The following LAMA1 variants were observed in gnomAD, a reference collection of about 807,000 sequenced individuals.
The protein encoded by LAMA1 is laminin subunit alpha-1.
In LAMA1, 219 loss-of-function variants were observed where a neutral mutation model predicts 348.7. The observed-to-expected ratio is 0.63, with a 90% CI of 0.56 to 0.70. The LOEUF (loss-of-function observed/expected upper bound fraction) is 0.70. Ranked by LOEUF, LAMA1 falls within the 30% of genes least tolerant of loss-of-function variation. LAMA1 has a pLI of 0.00. For missense variants in LAMA1, 3,744 were observed against 3,888.0 expected, an observed-to-expected ratio of 0.96 and a Z score of 0.99; for synonymous variants, 1,487 against 1,491.0, an observed-to-expected ratio of 1.00 and a Z score of 0.06.
intron 58 of LAMA1, among the ~76,000 whole-genome samples, chr18:6,950,242 C>T (rs978872408): frequency 7.9e-5 from 12 of 152,184 alleles, no homozygotes; most frequent in African/African-American, 2.4e-4. Context: ...CTTGTTTACA[C>T]GAGGTTTTAA....
At chr18:6,964,337 T>A (rs1004031958) in intron 51 of LAMA1, among the ~76,000 whole-genome samples, 1 of 152,158 alleles carries the variant, frequency 6.6e-6, no homozygotes, top group African/African-American at 2.4e-5. Context: ...GCAGAGGTAA[T>A]CAAGTTAGGA....
intron 9 of LAMA1, among the ~76,000 whole-genome samples, chr18:7,041,753 G>T (rs1159716013): frequency 6.6e-6 from 1 of 152,126 alleles, no homozygotes; most frequent in African/African-American, 2.4e-5. Flanking sequence ...TTTAAACTGG[G>T]CCTTATTTCT....
chr18:6,959,194 G>A, intron 54 of LAMA1, 147 bp downstream of exon 54: 1 of 1,016,140 alleles, frequency 9.8e-7, no homozygotes, highest in Non-Finnish European at 1.5e-6. Context: ...TGGTTCCCAG[G>A]AAAGAATCCT....
At chr18:7,098,950 A>C (rs1279742417) in intron 1 of LAMA1, among the ~76,000 whole-genome samples, 10 of 150,494 alleles carry the variant, frequency 6.6e-5, no homozygotes, top group Non-Finnish European at 1.3e-4. Context: ...CCCGGCCACC[A>C]CCCCGTCTGG....
At position 6,974,999 on chromosome 18, in the gene LAMA1, A is replaced by T; in HGVS notation, c.6527T>A (p.Val2176Glu). 3 of 1,613,600 alleles carry T rather than the reference A, an allele frequency of 1.9e-6. No homozygotes were observed. Among genetic ancestry groups the T allele is most frequent in the Non-Finnish European group, 2.5e-6 (3 of 1,179,926 alleles). Residue 2176 changes from valine (V) to glutamate (E), a missense_variant, in exon 46 of 63, where the codon GTG becomes GAG. This residue lies in a region of LAMA1 where 1,983 missense variants were observed against 1,934.3 expected (regional missense o/e 1.03). Coordinates refer to ENST00000389658, the MANE Select transcript of LAMA1 (RefSeq NM_005559.4). ...FLAVEMRRGR[V>E]AFLWDLGSGS... Reference sequence around the variant, plus strand: ...GGAGCCCAGGTCCCACAGGAAGGCCACTCTCCCTCGCCGCATCTCCACTGC... The same window carrying T: ...GGAGCCCAGGTCCCACAGGAAGGCCTCTCTCCCTCGCCGCATCTCCACTGC...
intron 28 of LAMA1, 104 bp from the exon 29 acceptor site, chr18:7,007,380 T>C (rs1325607636): frequency 1.7e-6 from 2 of 1,167,734 alleles, no homozygotes; most frequent in Non-Finnish European, 2.4e-6. Flanking sequence ...CCAACAGGTA[T>C]GTGAAAAGAA....
At position 7,042,146 on chromosome 18, in the gene LAMA1, A is replaced by G. The variant is rs546420905; in HGVS notation, c.1260T>C (p.Asn420=). 1 of 1,591,506 alleles carries G rather than the reference A, an allele frequency of 6.3e-7. No homozygotes were observed. The highest frequency in any genetic ancestry group is 8.6e-7 in the Non-Finnish European group (1 of 1,160,900). ...IKDDLHSDLH[N]GKQPGQCPCK... ...CACAAAAGTGAATCAAGTACTTACC[A>G]TTGTGTAAGTCAGAATGGAGGTCAT... The change falls in exon 9 of 63, where the codon AAT becomes AAC. Residue 420 remains asparagine (N), a splice_region_variant and synonymous_variant. Coordinates refer to ENST00000389658, the MANE Select transcript of LAMA1 (RefSeq NM_005559.4).
chr18:6,957,245 C>A, intron 55 of LAMA1: 1 of 185,738 alleles, frequency 5.4e-6, no homozygotes, highest in Non-Finnish European at 1.1e-5. Context: ...GCGCACGTCC[C>A]CCTGGCACTT....
At position 7,012,122 on chromosome 18, in the gene LAMA1, G is replaced by C. The variant is rs1162750366; in HGVS notation, c.3380C>G (p.Pro1127Arg). 1 of 1,613,982 alleles carries C rather than the reference G, an allele frequency of 6.2e-7. No individual in the cohort carries two copies. The highest frequency in any genetic ancestry group is 2.2e-5 in the East Asian group (1 of 44,880). ...GCCCTCTCGACATTCGTTGCACTGAGGACCAAAGACATTTTCCTACAGGGG... is the reference window on the plus strand; with the variant it reads ...GCCCTCTCGACATTCGTTGCACTGACGACCAAAGACATTTTCCTACAGGGG... ...ACPCKENVFG[P>R]QCNECREGTF... The change falls in exon 24 of 63, where the codon CCT (proline) becomes CGT (arginine). Residue 1127 changes from proline to arginine, a missense_variant. This residue lies in a region of LAMA1 where 1,529 missense variants were observed against 1,689.4 expected (regional missense o/e 0.91). Transcript: ENST00000389658.
intron 30 of LAMA1, 133 bp downstream of exon 30, chr18:7,002,131 C>T: frequency 8.3e-7 from 1 of 1,201,020 alleles, no homozygotes; most frequent in Non-Finnish European, 1.2e-6. Flanking sequence ...AACACCTTTT[C>T]TTAAAATTAG....
At chr18:7,026,174 A>C in intron 16 of LAMA1, 68 bp from the exon 17 acceptor site, 1 of 1,569,254 alleles carries the variant, frequency 6.4e-7, no homozygotes, top group Non-Finnish European at 8.7e-7. Flanking sequence ...TCTATAAGCA[A>C]CTTGAAGTCC....
At chr18:7,098,733 CCGCCCG>C (rs2058276012) in intron 1 of LAMA1, among the ~76,000 whole-genome samples, 2 of 145,478 alleles carry the variant, frequency 1.4e-5, no homozygotes, top group Non-Finnish European at 3.0e-5. Flanking sequence ...GGTCAGCCCC[CCGCCCG>C]GCCAGCCACC....
chr18:6,994,685 AC>A (rs2057773154), intron 34 of LAMA1, among the ~76,000 whole-genome samples: 5 of 139,128 alleles, frequency 3.6e-5, no homozygotes, highest in Non-Finnish European at 6.2e-5. Flanking sequence ...ACACACACAC[AC>A]ACACACACAC....
At chr18:7,057,988 GAGA>G (rs1204539331) in intron 3 of LAMA1, among the ~76,000 whole-genome samples, 1 of 150,376 alleles carries the variant, frequency 6.6e-6, no homozygotes, top group Non-Finnish European at 1.5e-5. Context: ...TTTTTTAGTA[GAGA>G]CAGGGTTTCA....
Position 6,964,773 on chromosome 18 carries a change from G to A in LAMA1, c.7226C>T (p.Thr2409Ile). ...GCCCTGCTTGGTTTCTTTATTACTG[G>A]TGTTATAGGCATCGATAACTGCTAG... is the stretch of plus-strand genomic sequence containing the variant. ...GVLAVIDAYN[T>I]SNKETKQGET... Residue 2409 changes from threonine to isoleucine, a missense_variant, in exon 51 of 63, where the codon ACC (threonine) becomes ATC (isoleucine). Coordinates refer to ENST00000389658, the MANE Select transcript of LAMA1 (RefSeq NM_005559.4). 6.2e-7 allele frequency: 1 copy of A among 1,614,028 alleles called. No homozygotes were observed. The highest frequency in any genetic ancestry group is 8.5e-7 in the Non-Finnish European group (1 of 1,180,004).
At position 6,961,955 on chromosome 18, in the gene LAMA1, C is replaced by T; in HGVS notation, c.7442G>A (p.Cys2481Tyr). The T allele has an allele frequency of 6.2e-7, 1 of 1,613,572 alleles. No individual in the cohort carries two copies. Among genetic ancestry groups the T allele is most frequent in the Non-Finnish European group, 8.5e-7 (1 of 1,179,480 alleles). The change falls in exon 52 of 63, where the codon TGT (cysteine) becomes TAT (tyrosine). Residue 2481 changes from cysteine to tyrosine, a missense_variant. Transcript: ENST00000389658. ...AACAATGTTTCCTACCTCCAGTAAA[C>T]AGCCTTTTCTCACTCCATAGGAATT... ...LRNSYGVRKG[C>Y]LLEPIRSVSF...
intron 3 of LAMA1, among the ~76,000 whole-genome samples, chr18:7,055,056 T>A (rs2078216215): frequency 6.6e-6 from 1 of 152,034 alleles, no homozygotes; most frequent in African/African-American, 2.4e-5. Context: ...TATTCATGGA[T>A]TTTTTGACTG....
At chr18:7,003,401 C>G (rs2057817152) in intron 29 of LAMA1, among the ~76,000 whole-genome samples, 6 of 152,028 alleles carry the variant, frequency 3.9e-5, no homozygotes. Context: ...CAGGTGCCCA[C>G]CACCACAACC....
chr18:7,114,311 T>G (rs949862292), intron 1 of LAMA1, among the ~76,000 whole-genome samples: 2 of 152,160 alleles, frequency 1.3e-5, no homozygotes, highest in African/African-American at 4.8e-5. Flanking sequence ...TGCTATCCAT[T>G]TTATAGATAG....
Sources: allele counts gnomAD v4.1 joint callset (sites outside exome capture counted in the v4.1 genomes callset), GRCh38; gene constraint gnomAD v4.1.1; regional missense constraint gnomAD v4.1.1; transcripts MANE v1.5; gene names NCBI Gene and HGNC (gene_info 2026-07-23, HGNC 2026-07-21).